The following ADAM18 variants were observed in gnomAD, a reference collection of about 807,000 sequenced individuals.
ADAM18 encodes disintegrin and metalloproteinase domain-containing protein 18.
A neutral mutation model predicts 94.4 loss-of-function variants in ADAM18; 117 were observed. That is an observed-to-expected ratio of 1.24 (90% CI 1.07 to 1.45). ADAM18 has a LOEUF of 1.45. ADAM18 is among the 40% of genes most tolerant of loss of function. ADAM18 has a pLI of 0.00. For missense variants in ADAM18, 936 were observed against 880.0 expected, an observed-to-expected ratio of 1.06 and a Z score of -0.81; for synonymous variants, 327 against 291.6, an observed-to-expected ratio of 1.12 and a Z score of -1.24.
intron 12 of ADAM18, among the ~76,000 whole-genome samples, chr8:39,656,323 G>C (rs1257743391): frequency 6.6e-6 from 1 of 152,044 alleles, no homozygotes; most frequent in Non-Finnish European, 1.5e-5. Context: ...ATGGAATCTA[G>C]AATAGACCTA....
intron 17 of ADAM18, among the ~76,000 whole-genome samples, chr8:39,693,038 C>G (rs1249142385): frequency 6.6e-6 from 1 of 151,516 alleles, no homozygotes; most frequent in Non-Finnish European, 1.5e-5. Context: ...AACACGTTGA[C>G]ATATCAGGGA....
intron 7 of ADAM18, 152 bp downstream of exon 7, chr8:39,629,591 T>G: frequency 1.9e-6 from 1 of 526,528 alleles, no homozygotes; most frequent in Non-Finnish European, 3.3e-6. Context: ...CTCCTCTCTT[T>G]TCCTCCCCTC....
rs75036518 is a variant in ADAM18 at position 39,623,133 on chromosome 8, G to A, written c.523-6241G>A. Among the ~76,000 whole-genome samples the A allele has an allele frequency of 3.1e-4, 47 of 152,196 alleles. No homozygotes were observed. In the East Asian group the frequency reaches 8.9e-3, roughly 29 times the overall value. ...ATAGTATCTGTTTTTCCATTCCTGAGTTACTTCACTTAGAATAATGGCCTC... is the reference window on the plus strand; with the variant it reads ...ATAGTATCTGTTTTTCCATTCCTGAATTACTTCACTTAGAATAATGGCCTC... On this transcript the variant is annotated intron_variant, in intron 6 of 19. Coordinates refer to ENST00000265707, the MANE Select transcript of ADAM18 (RefSeq NM_014237.3).
chr8:39,640,329 C>T (rs1820202567), intron 10 of ADAM18, among the ~76,000 whole-genome samples: 1 of 152,046 alleles, frequency 6.6e-6, no homozygotes, highest in African/African-American at 2.4e-5. Context: ...TGGCTTCCAG[C>T]TCCATCGATG....
At chr8:39,724,788 C>A (rs910151135) in intron 19 of ADAM18, among the ~76,000 whole-genome samples, 1 of 151,686 alleles carries the variant, frequency 6.6e-6, no homozygotes, top group African/African-American at 2.4e-5. Context: ...TCTGTTTTTT[C>A]TTGTGAATTC....
At position 39,638,490 on chromosome 8, in the gene ADAM18, G is replaced by A; in HGVS notation, c.853G>A (p.Gly285Arg). 6.4e-7 allele frequency: 1 copy of A among 1,569,052 alleles called. No individual in the cohort carries two copies. Residue 285 changes from glycine (G) to arginine (R), a missense_variant, in exon 10 of 20, where the codon GGA becomes AGA. Gly to Arg is a moderately radical substitution (Grantham distance 125). Transcript: ENST00000265707. ...TTACAGGAAACATCCTAAATATGTGGGAGCAACATTTCCTGGCACTGTATG... is the reference window on the plus strand; with the variant it reads ...TTACAGGAAACATCCTAAATATGTGAGAGCAACATTTCCTGGCACTGTATG... ...LVYRKHPKYV[G>R]ATFPGTVCNK...
rs200323201 is a variant in ADAM18, at chr8:39,584,646, C to A, written c.24C>A (p.Leu8=). The change falls in exon 1 of 20, where the codon CTC becomes CTA. Residue 8 remains leucine (L), a synonymous_variant. Transcript: ENST00000265707. ...CCATGTTCCTTCTCCTCGCCCTCCT[C>A]ACTGAGCTTGGAAGACTGCAAGCCC... is the stretch of plus-strand genomic sequence containing the variant. MFLLLAL[L]TELGRLQAHE... is the part of the protein sequence containing the mutation. 2 of 1,613,426 alleles carry A rather than the reference C, an allele frequency of 1.2e-6. No homozygotes were observed. The highest frequency in any genetic ancestry group is 2.2e-5 in the East Asian group (1 of 44,878).
intron 16 of ADAM18, among the ~76,000 whole-genome samples, chr8:39,688,676 G>A (rs1407409248): frequency 4.6e-5 from 7 of 152,108 alleles, no homozygotes; most frequent in Non-Finnish European, 1.0e-4. Flanking sequence ...TTATTGTGAA[G>A]AGTGCTGCAA....
chr8:39,647,372 A>C (rs562188027), intron 11 of ADAM18, among the ~76,000 whole-genome samples: 1 of 152,186 alleles, frequency 6.6e-6, no homozygotes, highest in Non-Finnish European at 1.5e-5. Context: ...AAGAATAACA[A>C]GGCAGCATAG....
intron 10 of ADAM18, among the ~76,000 whole-genome samples, chr8:39,644,958 A>G (rs1405458751): frequency 1.3e-5 from 2 of 152,120 alleles, no homozygotes; most frequent in East Asian, 1.9e-4. Flanking sequence ...TCTTTCATAC[A>G]TGCCACTGTA....
At chr8:39,638,418 C>T (rs1820146018) in intron 9 of ADAM18, 47 bp from the exon 10 acceptor site, 1 of 1,297,256 alleles carries the variant, frequency 7.7e-7, no homozygotes, top group East Asian at 2.5e-5. Context: ...CATAAGCTTA[C>T]AAATTGTTTT....
At chr8:39,647,852 G>T (rs1272145507) in intron 11 of ADAM18, among the ~76,000 whole-genome samples, 7 of 152,156 alleles carry the variant, frequency 4.6e-5, no homozygotes. Flanking sequence ...CAAGGTTGGG[G>T]CAAAGTGGCT....
At chr8:39,644,964 C>G (rs1820337997) in intron 10 of ADAM18, among the ~76,000 whole-genome samples, 1 of 152,162 alleles carries the variant, frequency 6.6e-6, no homozygotes, top group Non-Finnish European at 1.5e-5. Context: ...ATACATGCCA[C>G]TGTATTCCTA....
In ADAM18 at chr8:39,637,039, A is replaced by G. The variant is rs1396387421; in HGVS notation, c.589-225A>G. On this transcript the variant is annotated intron_variant, in intron 7 of 19. Transcript: ENST00000265707. Reference sequence around the variant, plus strand: ...GTATTTTATATATATATATATATATATATATATATATATATATATATATAT... The same window carrying G: ...GTATTTTATATATATATATATATATGTATATATATATATATATATATATAT... Among the ~76,000 whole-genome samples the G allele has an allele frequency of 6.3e-5, 9 of 141,886 alleles. No individual in the cohort carries two copies. In the East Asian group the frequency reaches 1.9e-3, roughly 30 times the overall value. 93.1% of individuals were successfully genotyped at this position (141,886 alleles called of 152,430 possible).
intron 14 of ADAM18, among the ~76,000 whole-genome samples, chr8:39,673,004 T>C (rs1224071595): frequency 6.6e-6 from 1 of 152,206 alleles, no homozygotes; most frequent in Non-Finnish European, 1.5e-5. Flanking sequence ...GCATATTTAA[T>C]AGTTTGTGCA....
At chr8:39,595,979 G>T (rs959213475) in intron 2 of ADAM18, among the ~76,000 whole-genome samples, 1 of 152,112 alleles carries the variant, frequency 6.6e-6, no homozygotes, top group Non-Finnish European at 1.5e-5. Context: ...TTCCATTTTG[G>T]CTGGAACCAG....
intron 19 of ADAM18, 43 bp from the exon 20 acceptor site, chr8:39,729,855 A>C: frequency 6.4e-7 from 1 of 1,555,656 alleles, no homozygotes; most frequent in Non-Finnish European, 8.9e-7. Context: ...CTACTACTAA[A>C]CATATTGTGA....
At chr8:39,616,296 G>C (rs994385389) in intron 6 of ADAM18, among the ~76,000 whole-genome samples, 3 of 152,080 alleles carry the variant, frequency 2.0e-5, no homozygotes, top group Admixed American at 2.0e-4. Flanking sequence ...TGTATTCCCA[G>C]TTACTGGAAA....
At chr8:39,619,695 T>G (rs1819550981) in intron 6 of ADAM18, among the ~76,000 whole-genome samples, 1 of 151,786 alleles carries the variant, frequency 6.6e-6, no homozygotes. Context: ...AGATTGAAGA[T>G]CTCCACATGA....
Sources: gnomAD v4.1 joint callset for allele counts (sites outside exome capture counted in the v4.1 genomes callset) on GRCh38, gnomAD v4.1.1 for gene constraint, MANE v1.5 for transcripts, NCBI Gene and HGNC (gene_info 2026-07-23, HGNC 2026-07-21) for gene names.